The following MSRA variants were observed in gnomAD, a reference collection of about 807,000 sequenced individuals.
MSRA encodes the protein mitochondrial peptide methionine sulfoxide reductase.
MSRA carries 54 observed loss-of-function variants against 31.3 expected under a neutral mutation model. That is an observed-to-expected ratio of 1.73 (90% confidence interval 1.39 to 2.17). MSRA has a LOEUF of 2.17. MSRA is among the 30% of genes most tolerant of loss of function. MSRA has a pLI of 0.00. For missense variants in MSRA, 507 were observed against 300.9 expected (o/e 1.69, Z -5.07); for synonymous variants, 169 against 116.5 (o/e 1.45, Z -2.90).
At chr8:10,066,101 C>T (rs1013641263) in intron 1 of MSRA, among the ~76,000 whole-genome samples, 4 of 152,080 alleles carry the variant, frequency 2.6e-5, no homozygotes, top group Non-Finnish European at 1.5e-5. Context: ...CGGCTCACTG[C>T]ACCCTCCGTC....
chr8:10,063,735 C>G (rs1263972324), intron 1 of MSRA, among the ~76,000 whole-genome samples: 1 of 152,218 alleles, frequency 6.6e-6, no homozygotes, highest in African/African-American at 2.4e-5. Context: ...AATTTGGGCT[C>G]TCACCAGACA....
chr8:10,158,256 A>G (rs1034285399), intron 1 of MSRA, among the ~76,000 whole-genome samples: 23 of 152,216 alleles, frequency 1.5e-4, no homozygotes, highest in African/African-American at 5.3e-4. Flanking sequence ...AAACATTCAG[A>G]CCGTAGCAAA....
At chr8:10,399,040 C>T (rs1807279210) in intron 5 of MSRA, among the ~76,000 whole-genome samples, 1 of 152,226 alleles carries the variant, frequency 6.6e-6, no homozygotes. Flanking sequence ...GATTGATAAA[C>T]TGCCTATTTG....
intron 5 of MSRA, among the ~76,000 whole-genome samples, chr8:10,395,350 G>C (rs1807030466): frequency 6.6e-6 from 1 of 152,198 alleles, no homozygotes; most frequent in African/African-American, 2.4e-5. Context: ...ATGAGTCTGT[G>C]AACCGCCATG....
At chr8:10,095,994 C>G (rs1187889953) in intron 1 of MSRA, 8 of 1,438,222 alleles carry the variant, frequency 5.6e-6, no homozygotes, top group Non-Finnish European at 7.3e-6. Context: ...TCAATACAAA[C>G]CTGCTTTCAA....
At chr8:10,320,130 G>A in intron 5 of MSRA, 141 bp downstream of exon 5, 1 of 580,640 alleles carries the variant, frequency 1.7e-6, no homozygotes, top group South Asian at 2.5e-5. Flanking sequence ...TCAGCCTCTA[G>A]GAGTGGAGCC....
chr8:10,335,283 G>A (rs890647975), intron 5 of MSRA, among the ~76,000 whole-genome samples: 18 of 53,784 alleles, frequency 3.3e-4, no homozygotes, highest in Non-Finnish European at 3.9e-4. Flanking sequence ...TGTAGTGTTT[G>A]AATTTGAAAT....
intron 1 of MSRA, among the ~76,000 whole-genome samples, chr8:10,066,084 A>C (rs1797441671): frequency 6.6e-6 from 1 of 151,982 alleles, no homozygotes; most frequent in Admixed American, 6.6e-5. Context: ...GTGCAGTGGC[A>C]TGATCTCGGC....
intron 1 of MSRA, among the ~76,000 whole-genome samples, chr8:10,178,224 C>A (rs1806224614): frequency 6.6e-6 from 1 of 152,144 alleles, no homozygotes. Flanking sequence ...GGGGTGTATT[C>A]ACTTCCTGAT....
chr8:10,273,819 A>G (rs1196389546), intron 3 of MSRA, among the ~76,000 whole-genome samples: 1 of 152,156 alleles, frequency 6.6e-6, no homozygotes, highest in Non-Finnish European at 1.5e-5. Context: ...TTCAAGCAGA[A>G]CCTGAGAAAG....
chr8:10,214,535 G>C (rs1040923148), intron 2 of MSRA, among the ~76,000 whole-genome samples: 2 of 150,164 alleles, frequency 1.3e-5, no homozygotes, highest in African/African-American at 4.9e-5. Context: ...CCGAGTCCCG[G>C]TGTGGCGTAT....
intron 1 of MSRA, among the ~76,000 whole-genome samples, chr8:10,123,498 C>T (rs529617655): frequency 2.0e-5 from 3 of 152,270 alleles, no homozygotes; most frequent in East Asian, 1.9e-4. Flanking sequence ...GTTTCTTTTG[C>T]TGTGCAGAAG....
At chr8:10,065,384 T>TAA (rs1797405927) in intron 1 of MSRA, among the ~76,000 whole-genome samples, 2 of 152,076 alleles carry the variant, frequency 1.3e-5, no homozygotes, top group African/African-American at 4.8e-5. Context: ...TTAAAAAATG[T>TAA]TTTTTTTCTT....
intron 1 of MSRA, among the ~76,000 whole-genome samples, chr8:10,135,768 A>G (rs1802226659): frequency 6.6e-6 from 1 of 152,220 alleles, no homozygotes; most frequent in Admixed American, 6.5e-5. Flanking sequence ...AGCCCAGCAC[A>G]TGTTTGCATA....
chr8:10,328,253 C>T (rs1192335102), intron 5 of MSRA, among the ~76,000 whole-genome samples: 1 of 126,974 alleles, frequency 7.9e-6, no homozygotes, highest in Non-Finnish European at 1.6e-5. Flanking sequence ...TCCCTCCCCC[C>T]TCCCCACTCA....
intron 1 of MSRA, among the ~76,000 whole-genome samples, chr8:10,089,611 G>T (rs571562570): frequency 6.6e-6 from 1 of 152,312 alleles, no homozygotes; most frequent in South Asian, 2.1e-4. Flanking sequence ...AGGAATACTT[G>T]AGGCTGGATA....
chr8:10,277,753 A>G (rs1036307623), intron 3 of MSRA, among the ~76,000 whole-genome samples: 12 of 152,156 alleles, frequency 7.9e-5, no homozygotes, highest in African/African-American at 2.2e-4. Flanking sequence ...TTAGCTTATA[A>G]TTTTTTGTAT....
chr8:10,063,847 G>C (rs902132935), intron 1 of MSRA, among the ~76,000 whole-genome samples: 1 of 152,206 alleles, frequency 6.6e-6, no homozygotes, highest in African/African-American at 2.4e-5. Context: ...AATTGTTATA[G>C]CAGTCTGGCG....
At chr8:10,130,011 A>C (rs762773705) in intron 1 of MSRA, among the ~76,000 whole-genome samples, 1 of 152,230 alleles carries the variant, frequency 6.6e-6, no homozygotes, top group South Asian at 2.1e-4. Context: ...TCCATATGCT[A>C]GCAGTACCTA....
Sources: gnomAD v4.1 joint callset for allele counts (sites outside exome capture counted in the v4.1 genomes callset) on GRCh38, gnomAD v4.1.1 for gene constraint, MANE v1.5 for transcripts, NCBI Gene and HGNC (gene_info 2026-07-23, HGNC 2026-07-21) for gene names.